TRAF2: variants seen among roughly 807,000 people sequenced by gnomAD.
TRAF2 encodes the protein TNF receptor associated factor 2.
Under a neutral mutation model 55.6 loss-of-function variants are expected in TRAF2, and 6 were observed. That is an observed-to-expected ratio of 0.11 (90% confidence interval 0.06 to 0.21). The LOEUF (loss-of-function observed/expected upper bound fraction) is 0.21, where lower values mean the gene tolerates loss of function less well. Ranked by LOEUF, TRAF2 falls within the 10% of genes least tolerant of loss-of-function variation. TRAF2 has a pLI of 1.00. For synonymous variants in TRAF2, 329 were observed against 276.3 expected, an observed-to-expected ratio of 1.19 and a Z score of -1.89; for missense variants, 561 against 684.5, an observed-to-expected ratio of 0.82 and a Z score of 2.01.
chr9:136,909,049 A>G (rs1324367161), intron 5 of TRAF2, among the ~76,000 whole-genome samples: 3 of 127,316 alleles, frequency 2.4e-5, no homozygotes, highest in Non-Finnish European at 3.4e-5. Flanking sequence ...AAAAAAAAAA[A>G]AAGAAAAAAA....
At chr9:136,913,913 G>A (rs376172450) in intron 6 of TRAF2, among the ~76,000 whole-genome samples, 1 of 152,124 alleles carries the variant, frequency 6.6e-6, no homozygotes, top group East Asian at 1.9e-4. Flanking sequence ...GGGCTGAGCC[G>A]AGCATGGGGC....
At chr9:136,911,561 G>T (rs1850107528) in intron 6 of TRAF2, among the ~76,000 whole-genome samples, 1 of 152,078 alleles carries the variant, frequency 6.6e-6, no homozygotes, top group Admixed American at 6.6e-5. Flanking sequence ...CACTGCCCCA[G>T]CCCATTGCAT....
At chr9:136,916,186 G>A (rs891891881) in intron 6 of TRAF2, among the ~76,000 whole-genome samples, 2 of 152,140 alleles carry the variant, frequency 1.3e-5, no homozygotes, top group Non-Finnish European at 2.9e-5. Flanking sequence ...GGTGAGCAGT[G>A]GGCGTTTGAT....
At chr9:136,909,646 C>T (rs1850052600) in intron 5 of TRAF2, among the ~76,000 whole-genome samples, 2 of 152,220 alleles carry the variant, frequency 1.3e-5, no homozygotes, top group Non-Finnish European at 2.9e-5. Flanking sequence ...TCACCGGGGC[C>T]GTTGTTTCAC....
intron 7 of TRAF2, among the ~76,000 whole-genome samples, chr9:136,917,123 C>T (rs1487590474): frequency 6.6e-6 from 1 of 152,234 alleles, no homozygotes; most frequent in East Asian, 1.9e-4. Flanking sequence ...GCCGTCACTG[C>T]CCTGTCCACA....
chr9:136,899,485 G>C, intron 2 of TRAF2, 109 bp from the exon 3 acceptor site: 2 of 965,020 alleles, frequency 2.1e-6, no homozygotes, highest in South Asian at 3.1e-5. Context: ...CTAAGGATGA[G>C]AAAGTTTAAA....
intron 6 of TRAF2, among the ~76,000 whole-genome samples, chr9:136,914,797 G>A (rs1314501645): frequency 1.3e-5 from 2 of 152,042 alleles, no homozygotes; most frequent in African/African-American, 2.4e-5. Context: ...TAAGTCATTC[G>A]AAGCAGCGTC....
intron 1 of TRAF2, 122 bp from the exon 2 acceptor site, chr9:136,898,591 T>G: frequency 6.8e-7 from 1 of 1,472,080 alleles, no homozygotes. Context: ...CTCTGAGTCT[T>G]GACCGCAGGT....
At chr9:136,883,228 A>G (rs1849394845), upstream of TRAF2, among the ~76,000 whole-genome samples, 1 of 152,064 alleles carries the variant, frequency 6.6e-6, no homozygotes, top group Non-Finnish European at 1.5e-5. Flanking sequence ...TAAATTAAAC[A>G]AAGGCATTTT....
intron 1 of TRAF2, among the ~76,000 whole-genome samples, chr9:136,896,600 C>T (rs529921207): frequency 1.3e-5 from 2 of 152,210 alleles, no homozygotes; most frequent in South Asian, 4.2e-4. Flanking sequence ...TCAAGCTTTA[C>T]CCAAACCGCT....
At chr9:136,888,324 C>T (rs371738968) in intron 1 of TRAF2, among the ~76,000 whole-genome samples, 4 of 152,038 alleles carry the variant, frequency 2.6e-5, no homozygotes, top group African/African-American at 4.8e-5. Context: ...CCAGCTACTC[C>T]GGAGGCTGAG....
intron 1 of TRAF2, among the ~76,000 whole-genome samples, chr9:136,897,559 C>T (rs1382503949): frequency 2.7e-5 from 4 of 147,116 alleles, no homozygotes; most frequent in Non-Finnish European, 6.0e-5. Context: ...AATGCACTAG[C>T]CAGCCCCAGG....
At chr9:136,924,879 C>A (rs975384964) in intron 10 of TRAF2, among the ~76,000 whole-genome samples, 1 of 152,088 alleles carries the variant, frequency 6.6e-6, no homozygotes, top group African/African-American at 2.4e-5. Flanking sequence ...GCTGGGACTA[C>A]AGGCATGCAC....
rs941239285 is a variant in TRAF2, at chr9:136,890,026, C to T, written c.-29+3485C>T. On this transcript the variant is annotated intron_variant, in intron 1 of 10. Transcript: ENST00000247668. ...ACCGCACGCTCGTTCAGCCGGTCAC[C>T]GCGTGTGTGAGTCCCCCCCGCACGC... Among the ~76,000 whole-genome samples the T allele has an allele frequency of 4.9e-5, 7 of 142,536 alleles. 1 individual carries two copies. Among genetic ancestry groups the T allele is most frequent in the Admixed American group, 4.3e-4 (6 of 13,906 alleles). The allele number at this position is 142,536 out of a possible 152,430, so 93.5% of individuals were successfully genotyped here. A position where few individuals can be genotyped will look rare whatever the true frequency, so the allele number is the denominator to read the frequency against.
chr9:136,893,981 C>A (rs575786834), intron 1 of TRAF2, among the ~76,000 whole-genome samples: 3 of 150,844 alleles, frequency 2.0e-5, no homozygotes, highest in Non-Finnish European at 2.9e-5. Context: ...AACTCCTGAC[C>A]TCGTGATTCT....
intron 1 of TRAF2, 135 bp from the exon 2 acceptor site, chr9:136,898,578 C>T (rs117439227): frequency 0.026 from 37,836 of 1,454,358 alleles, 620 homozygotes; most frequent in South Asian, 0.057. Context: ...TGCGATTCTG[C>T]TTCTCTGAGT....
At chr9:136,906,976 C>T (rs971511736) in intron 4 of TRAF2, among the ~76,000 whole-genome samples, 10 of 152,250 alleles carry the variant, frequency 6.6e-5, no homozygotes, top group African/African-American at 2.2e-4. Flanking sequence ...AGCCACATCC[C>T]GTCACCTTGC....
intron 1 of TRAF2, among the ~76,000 whole-genome samples, chr9:136,895,334 T>G (rs1849657845): frequency 6.6e-6 from 1 of 152,158 alleles, no homozygotes; most frequent in African/African-American, 2.4e-5. Flanking sequence ...GCAAGTGACC[T>G]AAGGCTTCCG....
chr9:136,905,354 A>AT, intron 4 of TRAF2, among the ~76,000 whole-genome samples: 1 of 152,342 alleles, frequency 6.6e-6, no homozygotes, highest in East Asian at 1.9e-4. Flanking sequence ...AGCTAGGCAC[A>AT]AGAAGATAAA....
Sources: gnomAD v4.1 joint callset for allele counts (sites outside exome capture counted in the v4.1 genomes callset) on GRCh38, gnomAD v4.1.1 for gene constraint, MANE v1.5 for transcripts, NCBI Gene and HGNC (gene_info 2026-07-23, HGNC 2026-07-21) for gene names.